TTC1: variants seen among roughly 807,000 people sequenced by gnomAD.
TTC1 encodes tetratricopeptide repeat protein 1.
In TTC1, 31 loss-of-function variants were observed where a neutral mutation model predicts 37.6. The observed-to-expected ratio is 0.82, with a 90% CI of 0.62 to 1.11. The LOEUF (loss-of-function observed/expected upper bound fraction) is 1.11. Ranked by LOEUF, TTC1 falls within the 50% of genes most tolerant of loss-of-function variation. The probability of loss-of-function intolerance (pLI) is 0.00; values close to 1 mark genes in which losing one functional copy is unlikely to be tolerated. For synonymous variants in TTC1, 127 were observed against 122.4 expected (o/e 1.04, Z -0.25); for missense variants, 351 against 339.0 (o/e 1.04, Z -0.28).
intron 7 of TTC1, among the ~76,000 whole-genome samples, chr5:160,055,279 T>G (rs1333285005): frequency 6.6e-6 from 1 of 152,220 alleles, no homozygotes; most frequent in Non-Finnish European, 1.5e-5. Flanking sequence ...TCTTCCTTGA[T>G]CTGTCATCTC....
chr5:160,032,546 C>G (rs1196546975), intron 2 of TTC1, among the ~76,000 whole-genome samples: 2 of 152,014 alleles, frequency 1.3e-5, no homozygotes, highest in African/African-American at 4.8e-5. Flanking sequence ...ATATTAGATG[C>G]TTCTGACCAA....
In TTC1 at chr5:160,065,181, T is replaced by C. The variant is rs1753568523; in HGVS notation, c.*116T>C. On this transcript the variant is annotated 3_prime_UTR_variant, in exon 8 of 8. Coordinates refer to ENST00000231238, the MANE Select transcript of TTC1 (RefSeq NM_003314.3). Reference sequence around the variant, plus strand: ...AAAGCATCTTATCTAAAAGAAAGGCTATCCAGTAGAGCCCAGTGCTCCCTT... The same window carrying C: ...AAAGCATCTTATCTAAAAGAAAGGCCATCCAGTAGAGCCCAGTGCTCCCTT... 7.1e-7 allele frequency: 1 copy of C among 1,409,370 alleles called. No homozygotes were observed. The highest frequency in any genetic ancestry group is 1.4e-5 in the African/African-American group (1 of 69,864). The allele number at this position is 1,409,370 out of a possible 1,614,324, so 87.3% of individuals were successfully genotyped here. A position where few individuals can be genotyped will look rare whatever the true frequency, so the allele number is the denominator to read the frequency against.
Position 160,049,619 on chromosome 5 carries a change from T to C in TTC1, c.647T>C (p.Leu216Ser), listed in dbSNP as rs151026006. ...GCCCTGGAAGACTATAAATCTATAT[T>C]AGAAAAAGATCCATCAATACATCAA... is the stretch of plus-strand genomic sequence containing the variant. Reference protein sequence around the residue: ...DEALEDYKSILEKDPSIHQAR... With the variant: ...DEALEDYKSISEKDPSIHQAR... Residue 216 changes from leucine to serine, a missense_variant, in exon 6 of 8, where the codon TTA becomes TCA. Physicochemically the swap from Leu to Ser is moderately radical, Grantham distance 145. Coordinates refer to ENST00000231238, the MANE Select transcript of TTC1 (RefSeq NM_003314.3). The C allele has an allele frequency of 6.2e-7, 1 of 1,605,770 alleles. No individual in the cohort carries two copies. The highest frequency in any genetic ancestry group is 1.7e-5 in the Admixed American group (1 of 58,336).
chr5:160,061,984 C>T (rs1404517322), intron 7 of TTC1: 2 of 152,230 alleles, frequency 1.3e-5, no homozygotes, highest in Non-Finnish European at 2.9e-5. Context: ...CCAGTGCTGC[C>T]CCTCAGACGA....
At chr5:160,045,442 A>C in intron 5 of TTC1, among the ~76,000 whole-genome samples, 2 of 124,814 alleles carry the variant, frequency 1.6e-5, no homozygotes, top group South Asian at 2.7e-4. Context: ...AGCCCCCGAC[A>C]TCCCCCACCC....
chr5:160,057,327 AT>A lies in TTC1; in HGVS notation c.745+6150del, dbSNP rs527685744. ...CAGCACAATAAAGCGAGTCACAAGAATTTTTTGTTTCCCAGTGCATACAGAA... is the reference window on the plus strand; with the variant it reads ...CAGCACAATAAAGCGAGTCACAAGAATTTTTGTTTCCCAGTGCATACAGAA... On this transcript the variant is annotated intron_variant, in intron 7 of 7. Coordinates refer to ENST00000231238, the MANE Select transcript of TTC1 (RefSeq NM_003314.3). This position sits in a 1 kb window ranked among gnomAD's most constrained non-coding sequence, Gnocchi z 4.4. Among the ~76,000 whole-genome samples the A allele has an allele frequency of 1.2e-4, 18 of 152,252 alleles. No homozygotes were observed. In the East Asian group the frequency reaches 3.5e-3, roughly 29 times the overall value.
At chr5:160,029,602 C>G (rs1014460946) in intron 2 of TTC1, among the ~76,000 whole-genome samples, 1 of 151,988 alleles carries the variant, frequency 6.6e-6, no homozygotes, top group Non-Finnish European at 1.5e-5. Context: ...GAGCCATGAT[C>G]TCTTTAGCCT....
chr5:160,049,739 C>T, intron 6 of TTC1, 77 bp downstream of exon 6: 2 of 1,206,264 alleles, frequency 1.7e-6, no homozygotes, highest in Non-Finnish European at 2.2e-6. Flanking sequence ...ATAATCCTTT[C>T]AGACACAATT....
chr5:160,019,139 A>G (rs1179440138), intron 2 of TTC1, among the ~76,000 whole-genome samples: 3 of 152,256 alleles, frequency 2.0e-5, no homozygotes, highest in Non-Finnish European at 4.4e-5. Context: ...GTGGTTTGCA[A>G]ATGGTATTCA....
rs532861156 is a variant in TTC1, at chr5:160,057,572, T to C, written c.745+6389T>C. Among the ~76,000 whole-genome samples the C allele has an allele frequency of 1.4e-4, 21 of 152,354 alleles. No individual in the cohort carries two copies. The South Asian group carries it at 2.7e-3, about 20-fold the overall frequency. ...GGTAGTTGCTAAACATTGGGGTGTC[T>C]GTGGCAGTATCTTTAAATAAGATAG... On this transcript the variant is annotated intron_variant, in intron 7 of 7. Transcript: ENST00000231238. This position sits in a 1 kb window ranked among gnomAD's most constrained non-coding sequence, Gnocchi z 4.4.
intron 2 of TTC1, among the ~76,000 whole-genome samples, chr5:160,020,344 T>A (rs1011842214): frequency 6.6e-6 from 1 of 152,164 alleles, no homozygotes; most frequent in African/African-American, 2.4e-5. Flanking sequence ...TTTATTTTTA[T>A]TTTTGTAGAG....
At chr5:160,052,548 C>CAAAAAAA (rs557157232) in intron 7 of TTC1, among the ~76,000 whole-genome samples, 8 of 68,064 alleles carry the variant, frequency 1.2e-4, no homozygotes, top group African/African-American at 2.3e-4. Context: ...TCTATTTTAG[C>CAAAAAAA]AAAAAAAAAA....
At chr5:160,012,042 A>G (rs1416572087) in intron 2 of TTC1, among the ~76,000 whole-genome samples, 1 of 152,182 alleles carries the variant, frequency 6.6e-6, no homozygotes, top group Non-Finnish European at 1.5e-5. Flanking sequence ...AGGAGGAAAA[A>G]GGGCAAAAGT....
At chr5:160,022,848 C>T (rs1444063259) in intron 2 of TTC1, among the ~76,000 whole-genome samples, 1 of 152,050 alleles carries the variant, frequency 6.6e-6, no homozygotes, top group African/African-American at 2.4e-5. Flanking sequence ...TAATAGTTTC[C>T]ACCTTTATTT....
chr5:160,049,563 G>A lies in TTC1; in HGVS notation c.591G>A (p.Glu197=), dbSNP rs961753562. Residue 197 remains glutamate, a synonymous_variant, in exon 6 of 8, where the codon GAG becomes GAA. Transcript: ENST00000231238. ...TCAGGGCAATATTGAGGAGAGCAGA[G>A]TTGTATGAGAAGACGGACAAGCTAG... ...SYIRAILRRA[E]LYEKTDKLDE... is the part of the protein sequence containing the mutation. The A allele has an allele frequency of 4.3e-6, 7 of 1,610,386 alleles. No homozygotes were observed. The highest frequency in any genetic ancestry group is 5.9e-6 in the Non-Finnish European group (7 of 1,178,730).
At chr5:160,054,764 A>C (rs1326766026) in intron 7 of TTC1, among the ~76,000 whole-genome samples, 1 of 152,236 alleles carries the variant, frequency 6.6e-6, no homozygotes, top group African/African-American at 2.4e-5. Context: ...GTCAGGTTTC[A>C]TATGGCAGAC....
At chr5:160,009,773 A>AT (rs1029389565) in intron 1 of TTC1, among the ~76,000 whole-genome samples, 1 of 152,122 alleles carries the variant, frequency 6.6e-6, no homozygotes, top group Non-Finnish European at 1.5e-5. Context: ...GGTAATCCTG[A>AT]TTAGGGTCAC....
intron 2 of TTC1, among the ~76,000 whole-genome samples, chr5:160,030,949 TA>T (rs781353715): frequency 3.9e-5 from 6 of 152,176 alleles, no homozygotes; most frequent in Non-Finnish European, 2.9e-5. Context: ...CCAGCTCACA[TA>T]TGTGTGAATG....
chr5:160,028,065 C>T (rs1263483770), intron 2 of TTC1, among the ~76,000 whole-genome samples: 4 of 152,024 alleles, frequency 2.6e-5, no homozygotes, highest in Non-Finnish European at 5.9e-5. Context: ...TTTGAGGGGC[C>T]GAGGCGAGTG....
Sources: allele counts gnomAD v4.1 joint callset (sites outside exome capture counted in the v4.1 genomes callset), GRCh38; gene constraint gnomAD v4.1.1; non-coding constraint Gnocchi (gnomAD v3.1); transcripts MANE v1.5; gene names NCBI Gene and HGNC (gene_info 2026-07-23, HGNC 2026-07-21).